The following ANO4 variants were observed in gnomAD, a reference collection of about 807,000 sequenced individuals.
ANO4 encodes the protein anoctamin-4.
In ANO4, 69 loss-of-function variants were observed where a neutral mutation model predicts 141.9. The ratio of observed to expected loss-of-function variants is 0.49; its 90% CI spans 0.40 to 0.59. The LOEUF (loss-of-function observed/expected upper bound fraction) is 0.59. Ranked by LOEUF, ANO4 falls within the 20% of genes least tolerant of loss-of-function variation. The probability of loss-of-function intolerance (pLI) is 0.00; values close to 1 mark genes in which losing one functional copy is unlikely to be tolerated. For synonymous variants in ANO4, 350 were observed against 394.3 expected (o/e 0.89, Z 1.33); for missense variants, 894 against 1,162.2 (o/e 0.77, Z 3.36).
At chr12:100,717,701 C>T (rs993387315) in intron 1 of ANO4, among the ~76,000 whole-genome samples, 2 of 152,186 alleles carry the variant, frequency 1.3e-5, no homozygotes, top group African/African-American at 4.8e-5. Context: ...CCTGAGGGGC[C>T]GATGTTCCGC....
At chr12:101,047,019 G>A (rs1479598435) in intron 13 of ANO4, among the ~76,000 whole-genome samples, 1 of 152,198 alleles carries the variant, frequency 6.6e-6, no homozygotes, top group Non-Finnish European at 1.5e-5. Context: ...GGAGGCCGAG[G>A]CAGGCGGATC....
At chr12:100,843,361 C>T (rs576432875) in intron 1 of ANO4, among the ~76,000 whole-genome samples, 1 of 152,154 alleles carries the variant, frequency 6.6e-6, no homozygotes, top group African/African-American at 2.4e-5. Context: ...TCGACATTCC[C>T]CTAACTATAA....
chr12:100,767,328 T>G (rs2033129903), intron 3 of ANO4, among the ~76,000 whole-genome samples: 1 of 152,222 alleles, frequency 6.6e-6, no homozygotes, highest in Non-Finnish European at 1.5e-5. Flanking sequence ...TTTGATTTTT[T>G]AGTGGTATAC....
intron 3 of ANO4, among the ~76,000 whole-genome samples, chr12:100,747,642 A>G (rs1040817551): frequency 6.6e-6 from 1 of 152,242 alleles, no homozygotes; most frequent in African/African-American, 2.4e-5. Context: ...TGGGAGGCCA[A>G]GGTGGGTGGA....
chr12:100,755,661 T>C (rs883676), intron 3 of ANO4, among the ~76,000 whole-genome samples: 18,348 of 152,258 alleles, frequency 0.12, 1,493 homozygotes, highest in East Asian at 0.32. Context: ...TTTTATTATC[T>C]TCATCTAATT....
chr12:100,906,841 C>T (rs2040865295), intron 2 of ANO4, among the ~76,000 whole-genome samples: 1 of 152,156 alleles, frequency 6.6e-6, no homozygotes, highest in Non-Finnish European at 1.5e-5. Flanking sequence ...ATCTACTCCT[C>T]TTTCAGATGC....
chr12:100,971,775 T>A (rs2043944856), intron 6 of ANO4, among the ~76,000 whole-genome samples: 2 of 152,108 alleles, frequency 1.3e-5, no homozygotes. Context: ...CTTTACTGAC[T>A]AGTCTCTTCC....
chr12:100,717,661 G>A (rs1268928031), intron 1 of ANO4: 10 of 396,762 alleles, frequency 2.5e-5, no homozygotes, highest in Non-Finnish European at 4.0e-5. Context: ...GGGTCTGGAA[G>A]GGAGGGAGAC....
At chr12:100,921,694 G>T (rs556473735) in intron 2 of ANO4, among the ~76,000 whole-genome samples, 4 of 152,070 alleles carry the variant, frequency 2.6e-5, no homozygotes, top group African/African-American at 9.7e-5. Flanking sequence ...TTACTTCATA[G>T]AATAAATTTT....
intron 8 of ANO4, 25 bp downstream of exon 8, chr12:100,987,695 A>T (rs760392798): frequency 2.5e-6 from 4 of 1,612,108 alleles, no homozygotes; most frequent in Non-Finnish European, 1.7e-6. Context: ...TTAAAGCCCC[A>T]TCTCACTAAG....
intron 14 of ANO4, among the ~76,000 whole-genome samples, chr12:101,074,023 A>C (rs2048929768): frequency 6.6e-6 from 1 of 152,096 alleles, no homozygotes; most frequent in Non-Finnish European, 1.5e-5. Context: ...GTGGCTTGAG[A>C]GTGTCCTTTT....
rs74649644 is a variant in ANO4, at chr12:101,075,237, T to C, written c.1313-3956T>C. On this transcript the variant is annotated intron_variant, in intron 14 of 27. Coordinates refer to ENST00000392977, the MANE Select transcript of ANO4 (RefSeq NM_001286615.2). ...CTGAGAAAGTATAAAACAGCTCATG[T>C]GTGAAAGTGTTAGTGAGTTAGCCTG... Among the ~76,000 whole-genome samples the C allele has an allele frequency of 1.1e-3, 170 of 152,238 alleles. 1 individual carries two copies. Among genetic ancestry groups the C allele is most frequent in the African/African-American group, 3.9e-3 (161 of 41,552 alleles).
Position 100,898,411 on chromosome 12 carries a change from T to G in ANO4, c.-140-3235T>G, listed in dbSNP as rs75434970. Reference sequence around the variant, plus strand: ...TTGTGTGAGGAGAGCTCTTTTAGGCTAGGCCCTTTATCTGTACTTTGAGGA... The same window carrying G: ...TTGTGTGAGGAGAGCTCTTTTAGGCGAGGCCCTTTATCTGTACTTTGAGGA... On this transcript the variant is annotated intron_variant, in intron 1 of 27. Coordinates refer to ENST00000392977, the MANE Select transcript of ANO4 (RefSeq NM_001286615.2). Among the ~76,000 whole-genome samples the G allele has an allele frequency of 7.3e-3, 1,110 of 152,326 alleles. 14 individuals are homozygous for G. Among genetic ancestry groups the G allele is most frequent in the African/African-American group, 0.025 (1,045 of 41,564 alleles).
chr12:100,942,187 G>A (rs923131440), intron 4 of ANO4, among the ~76,000 whole-genome samples, 190 bp from the exon 5 acceptor site: 1 of 151,952 alleles, frequency 6.6e-6, no homozygotes, highest in Admixed American at 6.6e-5. Flanking sequence ...CACCATATTG[G>A]CCAGGCTGGT....
chr12:101,029,151 A>G (rs1367388875), intron 9 of ANO4, among the ~76,000 whole-genome samples: 1 of 152,228 alleles, frequency 6.6e-6, no homozygotes, highest in Non-Finnish European at 1.5e-5. Context: ...TGTTACCCCC[A>G]CGCTGGCCTT....
At chr12:100,798,978 G>T (rs545483087) in intron 1 of ANO4, among the ~76,000 whole-genome samples, 11 of 152,226 alleles carry the variant, frequency 7.2e-5, no homozygotes, top group African/African-American at 2.6e-4. Context: ...TTTCCTGTTG[G>T]TCCCCCACAG....
chr12:100,892,426 C>T (rs568435193), intron 1 of ANO4, among the ~76,000 whole-genome samples: 6 of 152,324 alleles, frequency 3.9e-5, no homozygotes, highest in African/African-American at 7.2e-5. Context: ...CCCTTACTCA[C>T]CCCCTCTTCC....
At chr12:101,058,183 G>A (rs7484701) in intron 14 of ANO4, among the ~76,000 whole-genome samples, 65,722 of 151,836 alleles carry the variant, frequency 0.43, 14,795 homozygotes, top group African/African-American at 0.57. Flanking sequence ...GAAATGTGGC[G>A]TTATTTCTGA....
chr12:100,820,606 G>A (rs189034570), intron 1 of ANO4, among the ~76,000 whole-genome samples: 3 of 152,036 alleles, frequency 2.0e-5, no homozygotes, highest in East Asian at 1.9e-4. Context: ...TAGTACTTGC[G>A]CAGTTCTATC....
Sources: allele counts gnomAD v4.1 joint callset (sites outside exome capture counted in the v4.1 genomes callset), GRCh38; gene constraint gnomAD v4.1.1; transcripts MANE v1.5; gene names NCBI Gene and HGNC (gene_info 2026-07-23, HGNC 2026-07-21).